The following MPP4 variants were observed in gnomAD, a reference collection of about 807,000 sequenced individuals.
The protein encoded by MPP4 is MAGUK p55 scaffold protein 4.
MPP4 carries 91 observed loss-of-function variants against 98.3 expected under a neutral mutation model. The ratio of observed to expected loss-of-function variants is 0.93; its 90% CI spans 0.78 to 1.10. The LOEUF (loss-of-function observed/expected upper bound fraction) is 1.10. Ranked by LOEUF, MPP4 falls within the 50% of genes least tolerant of loss-of-function variation. MPP4 has a pLI of 0.00. For missense variants in MPP4, 744 were observed against 792.9 expected, an observed-to-expected ratio of 0.94 and a Z score of 0.74; for synonymous variants, 261 against 271.8, an observed-to-expected ratio of 0.96 and a Z score of 0.39.
chr2:201,655,681 A>C (rs1422261474), intron 17 of MPP4, among the ~76,000 whole-genome samples: 3 of 152,234 alleles, frequency 2.0e-5, no homozygotes, highest in Non-Finnish European at 4.4e-5. Flanking sequence ...TCATGGTCAC[A>C]AAAGCAGGTC....
intron 4 of MPP4, 41 bp from the exon 5 acceptor site, chr2:201,687,412 A>G: frequency 1.3e-6 from 2 of 1,482,518 alleles, no homozygotes; most frequent in Non-Finnish European, 1.8e-6. Context: ...ATTTTAAAAA[A>G]TCTTTATCAC....
Position 201,680,929 on chromosome 2 carries a change from CCA to C in MPP4, c.836_837del (p.Val279GlyfsTer4). On this transcript the variant is annotated frameshift_variant, in exon 10 of 22. Transcript: ENST00000409474. LOFTEE classifies it high-confidence loss of function. ...PFQKGDILQI[V>X]DQNDALWWQA... Reference sequence around the variant, plus strand: ...TGCCACCAGAGGGCATCATTCTGGTCCACAATCTGGAGGATGTCCCCCTTCTG... The same window carrying C: ...TGCCACCAGAGGGCATCATTCTGGTCCAATCTGGAGGATGTCCCCCTTCTG... The C allele has an allele frequency of 6.2e-7, 1 of 1,613,826 alleles. No homozygotes were observed. The highest frequency in any genetic ancestry group is 8.5e-7 in the Non-Finnish European group (1 of 1,179,846).
In MPP4 at chr2:201,645,410, G is replaced by A; in HGVS notation, c.1720-6C>T. ...ATCTCTTGTAGGTCTTCATCCTTTAGGAGAAATAGAAAAATATGGATAGTA... is the reference window on the plus strand; with the variant it reads ...ATCTCTTGTAGGTCTTCATCCTTTAAGAGAAATAGAAAAATATGGATAGTA... On this transcript the variant is annotated splice_region_variant and splice_polypyrimidine_tract_variant and intron_variant, in intron 21 of 21. Transcript: ENST00000409474. 6.2e-7 allele frequency: 1 copy of A among 1,612,724 alleles called. No individual in the cohort carries two copies. Among genetic ancestry groups the A allele is most frequent in the Non-Finnish European group, 8.5e-7 (1 of 1,179,094 alleles).
intron 20 of MPP4, among the ~76,000 whole-genome samples, chr2:201,648,941 G>T (rs2105910336): frequency 6.6e-6 from 1 of 152,238 alleles, no homozygotes; most frequent in South Asian, 2.1e-4. Context: ...GCTTGTGCTT[G>T]TAGTCCTAGC....
rs1559008876 is a variant in MPP4 at position 201,666,323 on chromosome 2, G to GA, written c.1051+10dup. On this transcript the variant is annotated intron_variant, in intron 13 of 21. Coordinates refer to ENST00000409474, the MANE Select transcript of MPP4 (RefSeq NM_033066.3). ...TCTTCTAACAGCAAAGCAATCAAGA[G>GA]AAAATGTTACCTGCTTCCACACATT... 6.4e-7 allele frequency: 1 copy of GA among 1,551,410 alleles called. No individual in the cohort carries two copies. Among genetic ancestry groups the GA allele is most frequent in the Admixed American group, 2.0e-5 (1 of 50,234 alleles).
chr2:201,654,977 G>A, intron 17 of MPP4, 60 bp from the exon 18 acceptor site: 3 of 1,126,048 alleles, frequency 2.7e-6, no homozygotes, highest in South Asian at 1.5e-5. Flanking sequence ...ATTATGTGAT[G>A]GAATTATCAT....
intron 9 of MPP4, 52 bp from the exon 10 acceptor site, chr2:201,681,086 C>T (rs1185078213): frequency 2.4e-5 from 37 of 1,561,992 alleles, no homozygotes; most frequent in Non-Finnish European, 3.0e-5. Flanking sequence ...TGGTGCCATC[C>T]GAAGAACCCT....
At chr2:201,661,818 C>T (rs1688035578) in intron 14 of MPP4, among the ~76,000 whole-genome samples, 1 of 152,062 alleles carries the variant, frequency 6.6e-6, no homozygotes, top group African/African-American at 2.4e-5. Flanking sequence ...GTGGTCTCAC[C>T]CACTGCTTCT....
chr2:201,671,633 A>G (rs1018728046), intron 11 of MPP4, among the ~76,000 whole-genome samples: 2 of 152,208 alleles, frequency 1.3e-5, no homozygotes. Context: ...TTAAACTAAC[A>G]AAGATCAAAA....
intron 7 of MPP4, among the ~76,000 whole-genome samples, chr2:201,683,391 C>A (rs189563571): frequency 6.6e-6 from 1 of 152,024 alleles, no homozygotes; most frequent in East Asian, 1.9e-4. Flanking sequence ...AGAACAGAAA[C>A]GAAGCATGAT....
chr2:201,663,569 A>T (rs1320217925), intron 14 of MPP4, among the ~76,000 whole-genome samples: 1 of 152,214 alleles, frequency 6.6e-6, no homozygotes, highest in Non-Finnish European at 1.5e-5. Flanking sequence ...TTGAAAAATT[A>T]GCCACGCATG....
Position 201,687,860 on chromosome 2 carries a change from G to T in MPP4, c.280-489C>A, listed in dbSNP as rs1429450401. On this transcript the variant is annotated intron_variant, in intron 4 of 21. Coordinates refer to ENST00000409474, the MANE Select transcript of MPP4 (RefSeq NM_033066.3). Reference sequence around the variant, plus strand: ...TAATTTCTCTTTTAGAGTATCAGTTGATTAGCAATTTTAATGCTTGTTACA... The same window carrying T: ...TAATTTCTCTTTTAGAGTATCAGTTTATTAGCAATTTTAATGCTTGTTACA... Among the ~76,000 whole-genome samples, 10 of 152,276 alleles carry T rather than the reference G, an allele frequency of 6.6e-5. No individual in the cohort carries two copies. The East Asian group carries it at 1.9e-3, about 29-fold the overall frequency.
At chr2:201,660,438 G>C in intron 14 of MPP4, 92 bp from the exon 15 acceptor site, 1 of 1,364,174 alleles carries the variant, frequency 7.3e-7, no homozygotes, top group Non-Finnish European at 1.0e-6. Flanking sequence ...AATGACATAA[G>C]CAAGACGTGC....
intron 18 of MPP4, 193 bp from the exon 19 acceptor site, chr2:201,650,358 T>C: frequency 3.0e-6 from 3 of 985,448 alleles, no homozygotes; most frequent in Non-Finnish European, 3.6e-6. Context: ...CTATAAACCT[T>C]TACTGAGTGC....
Position 201,666,331 on chromosome 2 carries a change from T to C in MPP4, c.1051+3A>G. ...CAGCAAAGCAATCAAGAGAAAATGT[T>C]ACCTGCTTCCACACATTTCTCATCA... On this transcript the variant is annotated splice_donor_region_variant and intron_variant, in intron 13 of 21. Coordinates refer to ENST00000409474, the MANE Select transcript of MPP4 (RefSeq NM_033066.3). 1 of 1,556,096 alleles carries C rather than the reference T, an allele frequency of 6.4e-7. No homozygotes were observed. Among genetic ancestry groups the C allele is most frequent in the Non-Finnish European group, 8.7e-7 (1 of 1,149,806 alleles).
intron 6 of MPP4, among the ~76,000 whole-genome samples, chr2:201,685,688 T>C (rs567550707): frequency 1.0e-3 from 159 of 152,220 alleles, no homozygotes; most frequent in Non-Finnish European, 1.8e-3. Context: ...ATAAATCTCA[T>C]CTTACTTTTC....
At chr2:201,650,473 C>G (rs935720774) in intron 18 of MPP4, 2 of 985,220 alleles carry the variant, frequency 2.0e-6, no homozygotes, top group Admixed American at 6.2e-5. Flanking sequence ...TATGTGTGAA[C>G]CTTTAGATGC....
intron 4 of MPP4, 87 bp from the exon 5 acceptor site, chr2:201,687,458 C>T: frequency 1.0e-6 from 1 of 956,896 alleles, no homozygotes; most frequent in South Asian, 1.5e-5. Context: ...AACATACATA[C>T]TAACATGATA....
chr2:201,690,147 G>C, intron 4 of MPP4, 55 bp downstream of exon 4: 1 of 1,188,296 alleles, frequency 8.4e-7, no homozygotes, highest in Admixed American at 2.3e-5. Flanking sequence ...TAGCAATGTG[G>C]GGAAAATGGC....
Sources: allele counts gnomAD v4.1 joint callset (sites outside exome capture counted in the v4.1 genomes callset), GRCh38; gene constraint gnomAD v4.1.1; transcripts MANE v1.5; gene names NCBI Gene and HGNC (gene_info 2026-07-23, HGNC 2026-07-21).